CELF4: variants seen among roughly 807,000 people sequenced by gnomAD.
The protein encoded by CELF4 is CUGBP Elav-like family member 4, also known as CUG-BP- and ETR-3-like factor 4.
Under a neutral mutation model 59.9 loss-of-function variants are expected in CELF4, and 18 were observed. The ratio of observed to expected loss-of-function variants is 0.30; its 90% CI spans 0.21 to 0.45. CELF4 has a LOEUF of 0.45. CELF4 is among the 20% of genes least tolerant of loss of function. CELF4 has a pLI of 1.00. For missense variants in CELF4, 456 were observed against 689.0 expected (o/e 0.66, Z 3.79); for synonymous variants, 261 against 267.1 (o/e 0.98, Z 0.22).
intron 2 of CELF4, among the ~76,000 whole-genome samples, chr18:37,469,096 CT>C (rs1176588906): frequency 6.6e-6 from 1 of 152,144 alleles, no homozygotes; most frequent in Non-Finnish European, 1.5e-5. Context: ...CACTTTCCTT[CT>C]TTAGAGGGAG....
At chr18:37,427,312 T>C (rs913242126) in intron 2 of CELF4, among the ~76,000 whole-genome samples, 3 of 152,150 alleles carry the variant, frequency 2.0e-5, no homozygotes, top group Non-Finnish European at 4.4e-5. Context: ...CACAGGTGGC[T>C]ATGGTGGTGA....
chr18:37,354,405 G>A (rs2098525952), intron 2 of CELF4, among the ~76,000 whole-genome samples: 1 of 152,094 alleles, frequency 6.6e-6, no homozygotes, highest in Admixed American at 6.5e-5. Flanking sequence ...GGGCGCAGAG[G>A]GCCTGGGCTT....
At chr18:37,484,711 G>A (rs2099877225) in intron 2 of CELF4, among the ~76,000 whole-genome samples, 1 of 152,204 alleles carries the variant, frequency 6.6e-6, no homozygotes, top group African/African-American at 2.4e-5. Context: ...CATACGGTTG[G>A]CTTGGTAAGA....
At chr18:37,325,149 G>A (rs117313772) in intron 2 of CELF4, among the ~76,000 whole-genome samples, 1,921 of 146,202 alleles carry the variant, frequency 0.013, 46 homozygotes, top group East Asian at 0.12. Flanking sequence ...GGGCTTTGTC[G>A]CTCTGTCCCA....
chr18:37,282,874 T>C (rs1399215015), intron 3 of CELF4, among the ~76,000 whole-genome samples: 1 of 152,002 alleles, frequency 6.6e-6, no homozygotes, highest in Non-Finnish European at 1.5e-5. Context: ...ACACTCCCCT[T>C]CCCTCCACTG....
chr18:37,563,850 C>G (rs1445638011), intron 1 of CELF4, among the ~76,000 whole-genome samples: 3 of 152,126 alleles, frequency 2.0e-5, no homozygotes, highest in Non-Finnish European at 4.4e-5. Flanking sequence ...CCAATAAAAA[C>G]TGCTCTCTGG....
chr18:37,253,779 T>TG lies in CELF4; in HGVS notation c.*31dup. Reference sequence around the variant, plus strand: ...CGCCCCCGGTTACCTGTGCGAGTCCTGGTCTCCCCCGGGGGACGCTCCCGC... The same window carrying TG: ...CGCCCCCGGTTACCTGTGCGAGTCCTGGGTCTCCCCCGGGGGACGCTCCCGC... On this transcript the variant is annotated 3_prime_UTR_variant, in exon 12 of 13. Coordinates refer to ENST00000420428, the MANE Select transcript of CELF4 (RefSeq NM_020180.4). This position sits in a 1 kb window ranked among gnomAD's most constrained non-coding sequence, Gnocchi z 4.5. 6.4e-7 allele frequency: 1 copy of TG among 1,574,724 alleles called. No homozygotes were observed. Among genetic ancestry groups the TG allele is most frequent in the Non-Finnish European group, 8.6e-7 (1 of 1,158,900 alleles).
intron 1 of CELF4, among the ~76,000 whole-genome samples, chr18:37,560,098 C>T (rs2099986090): frequency 6.6e-6 from 1 of 152,164 alleles, no homozygotes; most frequent in Admixed American, 6.5e-5. Context: ...TTATTTCAAC[C>T]CAATCTAGAA....
intron 1 of CELF4, among the ~76,000 whole-genome samples, chr18:37,551,725 G>A (rs553786913): frequency 6.6e-6 from 1 of 152,276 alleles, no homozygotes; most frequent in East Asian, 1.9e-4. Context: ...TAATTTCTCA[G>A]CCCAAGTGGG....
intron 2 of CELF4, among the ~76,000 whole-genome samples, chr18:37,364,341 TC>T (rs1603628593): frequency 1.3e-5 from 2 of 152,310 alleles, no homozygotes; most frequent in East Asian, 3.9e-4. Flanking sequence ...ATGACAAGTG[TC>T]CTTTCACTTC....
intron 2 of CELF4, among the ~76,000 whole-genome samples, chr18:37,372,443 G>A (rs2098907974): frequency 6.6e-6 from 1 of 152,166 alleles, no homozygotes; most frequent in South Asian, 2.1e-4. Context: ...AGAACACTTG[G>A]ACACAGGGCA....
chr18:37,537,009 C>T (rs976132247), intron 1 of CELF4, among the ~76,000 whole-genome samples: 3 of 152,200 alleles, frequency 2.0e-5, no homozygotes, highest in African/African-American at 4.8e-5. Context: ...TCCCACAGCA[C>T]GACTGGCGGG....
At chr18:37,353,520 G>A (rs1364412371) in intron 2 of CELF4, among the ~76,000 whole-genome samples, 3 of 151,444 alleles carry the variant, frequency 2.0e-5, no homozygotes, top group Non-Finnish European at 2.9e-5. Context: ...GCAGCAATAG[G>A]GCATGGGGGA....
intron 2 of CELF4, among the ~76,000 whole-genome samples, chr18:37,385,639 C>T (rs1249119469): frequency 6.6e-6 from 1 of 152,194 alleles, no homozygotes; most frequent in Non-Finnish European, 1.5e-5. Context: ...ATTCATTCTG[C>T]AAACCCTGCC....
rs200055877 is a variant in CELF4 at position 37,564,975 on chromosome 18, C to T, written c.286+381G>A. ...ATGGACAGCACCCTCGGTCCTCGGC[C>T]GGCCAGGAGCCCGCGAGTCCGTCCG... On this transcript the variant is annotated intron_variant, in intron 1 of 12. Coordinates refer to ENST00000420428, the MANE Select transcript of CELF4 (RefSeq NM_020180.4). 1.2e-4 allele frequency among the ~76,000 whole-genome samples: 18 copies of T among 152,220 alleles called. No homozygotes were observed. In the East Asian group the frequency reaches 3.5e-3, roughly 30 times the overall value.
chr18:37,426,479 G>A (rs935300918), intron 2 of CELF4, among the ~76,000 whole-genome samples: 1 of 152,212 alleles, frequency 6.6e-6, no homozygotes, highest in Non-Finnish European at 1.5e-5. Flanking sequence ...CCTTGTCAAT[G>A]ACCACCCAGG....
intron 2 of CELF4, among the ~76,000 whole-genome samples, chr18:37,381,540 A>T (rs2099040981): frequency 1.3e-5 from 2 of 152,128 alleles, no homozygotes; most frequent in South Asian, 4.1e-4. Flanking sequence ...TCACATGAAC[A>T]TTCCTTTAGA....
At chr18:37,307,202 T>C (rs1603430227) in intron 3 of CELF4, among the ~76,000 whole-genome samples, 1 of 152,316 alleles carries the variant, frequency 6.6e-6, no homozygotes, top group Non-Finnish European at 1.5e-5. Context: ...GGCAGCCACC[T>C]GCCCTGTGCC....
At chr18:37,540,433 G>GA (rs2099976995) in intron 1 of CELF4, among the ~76,000 whole-genome samples, 1 of 152,066 alleles carries the variant, frequency 6.6e-6, no homozygotes, top group South Asian at 2.1e-4. Flanking sequence ...CATGGCTCTG[G>GA]GGGCCAAAGA....
Sources: gnomAD v4.1 joint callset for allele counts (sites outside exome capture counted in the v4.1 genomes callset) on GRCh38, gnomAD v4.1.1 for gene constraint, Gnocchi (gnomAD v3.1) non-coding constraint, MANE v1.5 for transcripts, NCBI Gene and HGNC (gene_info 2026-07-23, HGNC 2026-07-21) for gene names.